PDE4D: variants seen among roughly 807,000 people sequenced by gnomAD.
PDE4D encodes the protein phosphodiesterase 4D, also known as 3',5'-cyclic-AMP phosphodiesterase 4D.
A neutral mutation model predicts 87.4 loss-of-function variants in PDE4D; 24 were observed. The observed-to-expected ratio is 0.27, with a 90% CI of 0.20 to 0.39. The LOEUF (loss-of-function observed/expected upper bound fraction) is 0.39, where lower values mean the gene tolerates loss of function less well. Among genes scored for constraint, PDE4D ranks in the 10% least tolerant of loss-of-function variants. The probability of loss-of-function intolerance (pLI) is 1.00; values close to 1 mark genes in which losing one functional copy is unlikely to be tolerated. For missense variants in PDE4D, 714 were observed against 1,041.0 expected, an observed-to-expected ratio of 0.69 and a Z score of 4.32; for synonymous variants, 384 against 383.2, an observed-to-expected ratio of 1.00 and a Z score of -0.02.
At chr5:59,262,384 G>A (rs532990712) in intron 1 of PDE4D, among the ~76,000 whole-genome samples, 7 of 151,890 alleles carry the variant, frequency 4.6e-5, no homozygotes, top group Non-Finnish European at 7.4e-5. Context: ...AAATGTTTCT[G>A]TACAATACTA....
rs374116553 is a variant in PDE4D at position 59,745,279 on chromosome 5, A to T, written c.455+147889T>A. Among the ~76,000 whole-genome samples, 51 of 152,246 alleles carry T rather than the reference A, an allele frequency of 3.3e-4. 1 individual carries two copies. The South Asian group carries it at 4.8e-3, about 14-fold the overall frequency. On this transcript the variant is annotated intron_variant, in intron 1 of 14. Coordinates refer to ENST00000340635, the MANE Select transcript of PDE4D (RefSeq NM_001104631.2). ...GCTTAGGACAATCTCCAGGGGAAAA[A>T]TTCTCGGGTGATGCTAGTTATAATT... is the stretch of plus-strand genomic sequence containing the variant.
intron 1 of PDE4D, among the ~76,000 whole-genome samples, chr5:60,501,167 C>T (rs1750056104): frequency 6.6e-6 from 1 of 152,022 alleles, no homozygotes; most frequent in Non-Finnish European, 1.5e-5. Context: ...CACCCCACAA[C>T]AGTCCCCAGA....
intron 1 of PDE4D, among the ~76,000 whole-genome samples, chr5:60,308,297 G>A (rs1725704154): frequency 6.6e-6 from 1 of 152,120 alleles, no homozygotes; most frequent in Non-Finnish European, 1.5e-5. Context: ...CTTTTTCAAT[G>A]TGTTCTATAG....
At chr5:60,163,111 A>G (rs1417242187) in intron 2 of PDE4D, among the ~76,000 whole-genome samples, 5 of 152,310 alleles carry the variant, frequency 3.3e-5, no homozygotes, top group Middle Eastern at 3.4e-3. Flanking sequence ...AAAGAGGTAT[A>G]TGGGCTTATG....
In PDE4D at chr5:59,736,142, A is replaced by T. The variant is rs192392492; in HGVS notation, c.455+157026T>A. On this transcript the variant is annotated intron_variant, in intron 1 of 14. Coordinates refer to ENST00000340635, the MANE Select transcript of PDE4D (RefSeq NM_001104631.2). The stretch of plus-strand genomic sequence containing the variant: ...TATAATAATAATAAATTAATTAATT[A>T]AAAAAAAAGAAAACAAACCAACAGA... 9.1e-4 allele frequency among the ~76,000 whole-genome samples: 137 copies of T among 150,920 alleles called. 1 individual carries two copies. Among genetic ancestry groups the T allele is most frequent in the African/African-American group, 2.9e-3 (121 of 41,294 alleles).
intron 1 of PDE4D, among the ~76,000 whole-genome samples, chr5:59,229,948 G>A (rs551542425): frequency 4.6e-5 from 7 of 152,160 alleles, no homozygotes; most frequent in African/African-American, 1.2e-4. Context: ...ACAGGCAGGC[G>A]CCACCATGCC....
chr5:60,320,828 A>G (rs1233835588), intron 1 of PDE4D, among the ~76,000 whole-genome samples: 2 of 152,228 alleles, frequency 1.3e-5, no homozygotes, highest in African/African-American at 4.8e-5. Context: ...TAAAATACTT[A>G]GGAATACAGC....
intron 5 of PDE4D, chr5:59,180,365 A>T: frequency 1.4e-6 from 1 of 691,990 alleles, no homozygotes; most frequent in South Asian, 1.5e-5. Flanking sequence ...GCACATAGTT[A>T]AATGGTTAAA....
At chr5:59,822,815 A>G (rs777045341) in intron 1 of PDE4D, among the ~76,000 whole-genome samples, 6 of 152,172 alleles carry the variant, frequency 3.9e-5, no homozygotes, top group Non-Finnish European at 8.8e-5. Context: ...CAAATATGAC[A>G]GTCAAGTTCC....
intron 1 of PDE4D, among the ~76,000 whole-genome samples, chr5:59,609,133 T>C (rs1230317052): frequency 6.6e-6 from 1 of 152,122 alleles, no homozygotes; most frequent in African/African-American, 2.4e-5. Flanking sequence ...GAAGATCATA[T>C]GTAGAGAGAT....
At chr5:59,886,701 A>G (rs891298168) in intron 1 of PDE4D, among the ~76,000 whole-genome samples, 11 of 152,154 alleles carry the variant, frequency 7.2e-5, no homozygotes, top group Admixed American at 6.5e-4. Context: ...AGCAAGAAAG[A>G]GAGGTGTGAA....
chr5:59,915,355 C>T (rs1753929904), intron 3 of PDE4D, among the ~76,000 whole-genome samples: 1 of 152,080 alleles, frequency 6.6e-6, no homozygotes, highest in Non-Finnish European at 1.5e-5. Flanking sequence ...GAAATGGTCC[C>T]AGAAACCAAG....
chr5:59,643,034 C>T (rs946604721), intron 1 of PDE4D, among the ~76,000 whole-genome samples: 8 of 152,064 alleles, frequency 5.3e-5, no homozygotes, highest in African/African-American at 1.9e-4. Context: ...CCAAAGGAGT[C>T]AGGTTTATGC....
intron 1 of PDE4D, among the ~76,000 whole-genome samples, chr5:59,787,308 C>T (rs75088603): frequency 3.2e-4 from 49 of 152,086 alleles, no homozygotes; most frequent in East Asian, 5.8e-4. Context: ...ATTTAGTTGC[C>T]GACATGCCAT....
intron 3 of PDE4D, among the ~76,000 whole-genome samples, chr5:59,905,252 CA>C (rs1752690628): frequency 6.6e-6 from 1 of 152,078 alleles, no homozygotes; most frequent in South Asian, 2.1e-4. Flanking sequence ...CATTTTTGAA[CA>C]CAGTGAATTG....
chr5:59,721,347 A>G (rs1755803445), intron 1 of PDE4D, among the ~76,000 whole-genome samples: 1 of 152,218 alleles, frequency 6.6e-6, no homozygotes, highest in African/African-American at 2.4e-5. Context: ...ATAAGAACAC[A>G]GACACAAAGT....
At chr5:59,659,874 T>C (rs554775465) in intron 1 of PDE4D, among the ~76,000 whole-genome samples, 8 of 152,200 alleles carry the variant, frequency 5.3e-5, no homozygotes, top group African/African-American at 1.4e-4. Context: ...ATAACAAACT[T>C]GATTTATTAA....
intron 1 of PDE4D, among the ~76,000 whole-genome samples, chr5:59,593,417 AT>A (rs1826189457): frequency 6.6e-6 from 1 of 152,166 alleles, no homozygotes; most frequent in Non-Finnish European, 1.5e-5. Context: ...TTCACTGGAA[AT>A]TTAATTGATT....
intron 1 of PDE4D, among the ~76,000 whole-genome samples, chr5:60,478,848 A>G (rs11948687): frequency 0.13 from 19,432 of 152,238 alleles, 1,353 homozygotes; most frequent in Non-Finnish European, 0.16. Flanking sequence ...AATCCATTGT[A>G]TATTCTTTTC....
Sources: gnomAD v4.1 joint callset for allele counts (sites outside exome capture counted in the v4.1 genomes callset) on GRCh38, gnomAD v4.1.1 for gene constraint, MANE v1.5 for transcripts, NCBI Gene and HGNC (gene_info 2026-07-23, HGNC 2026-07-21) for gene names.